Variants in ARHGEF38 observed in about 807,000 individuals in gnomAD.
ARHGEF38 encodes the protein Rho guanine nucleotide exchange factor 38.
ARHGEF38 carries 79 observed loss-of-function variants against 79.9 expected under a neutral mutation model. That is an observed-to-expected ratio of 0.99 (90% CI 0.82 to 1.19). ARHGEF38 has a LOEUF of 1.19. ARHGEF38 is among the 50% of genes most tolerant of loss of function. The pLI, the probability that ARHGEF38 is intolerant of heterozygous loss-of-function variation, is 0.00. For missense variants in ARHGEF38, 962 were observed against 907.2 expected (o/e 1.06, Z -0.78); for synonymous variants, 366 against 328.3 (o/e 1.11, Z -1.24).
chr4:105,661,393 A>T lies in ARHGEF38; in HGVS notation c.1545+2028A>T, dbSNP rs147883768. Among the ~76,000 whole-genome samples, 329 of 151,910 alleles carry T rather than the reference A, an allele frequency of 2.2e-3. 2 individuals carry two copies. The highest frequency in any genetic ancestry group is 7.4e-3 in the African/African-American group (307 of 41,514). ...CTCTATGTTTAACCTTTTGAAAAAC[A>T]ACCAGACTGTTTTCCAAAGTGGCTG... On this transcript the variant is annotated intron_variant, in intron 10 of 13. Coordinates refer to ENST00000420470, the MANE Select transcript of ARHGEF38 (RefSeq NM_001242729.2).
chr4:105,558,295 G>A (rs1164437713), intron 1 of ARHGEF38, among the ~76,000 whole-genome samples: 1 of 152,138 alleles, frequency 6.6e-6, no homozygotes, highest in Non-Finnish European at 1.5e-5. Context: ...TGGAAGACTT[G>A]GTGAGTTTTG....
chr4:105,650,228 TG>T (rs1381808812), intron 7 of ARHGEF38, among the ~76,000 whole-genome samples: 2 of 152,354 alleles, frequency 1.3e-5, no homozygotes, highest in Admixed American at 1.3e-4. Flanking sequence ...TTCTGTATTT[TG>T]TAATGTTTTG....
At chr4:105,576,545 T>G (rs946739629) in intron 1 of ARHGEF38, among the ~76,000 whole-genome samples, 2 of 152,146 alleles carry the variant, frequency 1.3e-5, no homozygotes, top group Non-Finnish European at 2.9e-5. Flanking sequence ...TTTACTGAAT[T>G]TGTTTATCAA....
chr4:105,556,303 A>T (rs149796494), intron 1 of ARHGEF38, among the ~76,000 whole-genome samples: 53 of 152,324 alleles, frequency 3.5e-4, no homozygotes, highest in African/African-American at 1.3e-3. Context: ...CTACAAAATC[A>T]TCAAGAAAAC....
At chr4:105,648,842 CTCTCTT>C (rs1175889132) in intron 7 of ARHGEF38, among the ~76,000 whole-genome samples, 160 bp downstream of exon 7, 33 of 150,548 alleles carry the variant, frequency 2.2e-4, no homozygotes, top group African/African-American at 7.7e-4. Context: ...CTCTCTCTCT[CTCTCTT>C]TCTCTCTCTC....
At chr4:105,606,654 T>G (rs1373196937) in intron 2 of ARHGEF38, among the ~76,000 whole-genome samples, 1 of 152,112 alleles carries the variant, frequency 6.6e-6, no homozygotes, top group African/African-American at 2.4e-5. Flanking sequence ...CAAAAATTTA[T>G]GAATGGTTAA....
chr4:105,636,355 T>G (rs981758045), intron 4 of ARHGEF38, 48 bp from the exon 5 acceptor site: 21 of 357,098 alleles, frequency 5.9e-5, no homozygotes, highest in Non-Finnish European at 9.2e-5. Context: ...TATATTACCT[T>G]AAATATACAG....
rs749721508 is a variant in ARHGEF38 at position 105,659,162 on chromosome 4, A to G, written c.1342A>G (p.Asn448Asp). 6.5e-7 allele frequency: 1 copy of G among 1,536,164 alleles called. No individual in the cohort carries two copies. ...QKRYDKLLDC[N>D]SYLQRSTGEE... ...ACGCTATGACAAACTGCTGGATTGC[A>G]ACAGCTACCTGCAGCGATCAACGGG... Residue 448 changes from asparagine (N) to aspartate (D), a missense_variant, in exon 10 of 14, where the codon AAC (asparagine) becomes GAC (aspartate). By Grantham distance (23) the Asn-to-Asp change is conservative. Coordinates refer to ENST00000420470, the MANE Select transcript of ARHGEF38 (RefSeq NM_001242729.2).
rs1280315731 is a variant in ARHGEF38 at position 105,630,957 on chromosome 4, C to T, written c.568C>T (p.His190Tyr). The T allele has an allele frequency of 6.2e-7, 1 of 1,613,482 alleles. No individual in the cohort carries two copies. ...AGATATTTATAAAATCTACTGCTATCACCATGATGAAGCACATAGTATACT... is the reference window on the plus strand; with the variant it reads ...AGATATTTATAAAATCTACTGCTATTACCATGATGAAGCACATAGTATACT... ...LEDIYKIYCYHHDEAHSILES... is the reference protein window; with the variant it reads ...LEDIYKIYCYYHDEAHSILES... The change falls in exon 4 of 14, where the codon CAC (histidine) becomes TAC (tyrosine). Residue 190 changes from histidine to tyrosine, a missense_variant. Coordinates refer to ENST00000420470, the MANE Select transcript of ARHGEF38 (RefSeq NM_001242729.2).
intron 3 of ARHGEF38, among the ~76,000 whole-genome samples, chr4:105,621,315 C>G (rs1728727588): frequency 6.6e-6 from 1 of 152,160 alleles, no homozygotes; most frequent in Admixed American, 6.5e-5. Context: ...AGCAATAGTC[C>G]TCTTATATGT....
chr4:105,635,617 G>A (rs1268978655), intron 4 of ARHGEF38, among the ~76,000 whole-genome samples: 2 of 151,756 alleles, frequency 1.3e-5, no homozygotes, highest in Non-Finnish European at 2.9e-5. Context: ...GACCTATGAC[G>A]CACAAAGCAT....
intron 1 of ARHGEF38, among the ~76,000 whole-genome samples, chr4:105,583,484 A>G (rs1423609005): frequency 2.6e-5 from 4 of 152,164 alleles, no homozygotes; most frequent in Non-Finnish European, 5.9e-5. Context: ...TTCATCTGCT[A>G]AAAACCACCT....
chr4:105,644,231 A>T (rs1729744742), intron 5 of ARHGEF38, among the ~76,000 whole-genome samples: 1 of 152,164 alleles, frequency 6.6e-6, no homozygotes, highest in Admixed American at 6.5e-5. Context: ...CTGTTTTACT[A>T]TTCTAATAAT....
intron 2 of ARHGEF38, among the ~76,000 whole-genome samples, chr4:105,596,097 G>T (rs1463082974): frequency 6.6e-6 from 1 of 152,112 alleles, no homozygotes; most frequent in East Asian, 1.9e-4. Context: ...ATGTAAAATG[G>T]TGCCTATTAC....
intron 11 of ARHGEF38, among the ~76,000 whole-genome samples, chr4:105,666,753 T>A (rs1017797885): frequency 3.0e-4 from 46 of 152,310 alleles, no homozygotes; most frequent in African/African-American, 9.9e-4. Context: ...TTGCTGATGA[T>A]ATTTCCCAGA....
intron 1 of ARHGEF38, among the ~76,000 whole-genome samples, chr4:105,567,479 TAC>T (rs1412160614): frequency 6.6e-6 from 1 of 152,190 alleles, no homozygotes; most frequent in East Asian, 1.9e-4. Flanking sequence ...GTAATATAAT[TAC>T]AAAGAAGTAC....
At chr4:105,655,821 C>A in intron 9 of ARHGEF38, 99 bp downstream of exon 9, 1 of 1,270,442 alleles carries the variant, frequency 7.9e-7, no homozygotes, top group Non-Finnish European at 1.0e-6. Context: ...ATAAAACATG[C>A]ACTAAAGCAA....
chr4:105,598,567 C>T (rs1304824662), intron 2 of ARHGEF38, among the ~76,000 whole-genome samples: 1 of 152,186 alleles, frequency 6.6e-6, no homozygotes, highest in African/African-American at 2.4e-5. Flanking sequence ...TCTGCTTTAA[C>T]TATCAATACA....
At chr4:105,635,568 G>A (rs1381780643) in intron 4 of ARHGEF38, among the ~76,000 whole-genome samples, 1 of 151,952 alleles carries the variant, frequency 6.6e-6, no homozygotes, top group East Asian at 1.9e-4. Context: ...ATGAAAAATT[G>A]CATTTTTATT....
Sources: allele counts gnomAD v4.1 joint callset (sites outside exome capture counted in the v4.1 genomes callset), GRCh38; gene constraint gnomAD v4.1.1; transcripts MANE v1.5; gene names NCBI Gene and HGNC (gene_info 2026-07-23, HGNC 2026-07-21).